Variants in CCDC3 observed in about 807,000 individuals in gnomAD.
CCDC3 encodes coiled-coil domain containing 3.
A neutral mutation model predicts 21.4 loss-of-function variants in CCDC3; 24 were observed. That is an observed-to-expected ratio of 1.12 (90% CI 0.81 to 1.58). The LOEUF (loss-of-function observed/expected upper bound fraction) is 1.58, where lower values mean the gene tolerates loss of function less well. Among genes scored for constraint, CCDC3 ranks in the 40% most tolerant of loss-of-function variants. The probability of loss-of-function intolerance (pLI) is 0.00; values close to 1 mark genes in which losing one functional copy is unlikely to be tolerated. For synonymous variants in CCDC3, 186 were observed against 166.0 expected (o/e 1.12, Z -0.93); for missense variants, 425 against 360.9 (o/e 1.18, Z -1.44).
intron 5 of CCDC3, among the ~76,000 whole-genome samples, chr10:13,007,558 C>T (rs1324883931): frequency 6.6e-6 from 1 of 152,018 alleles, no homozygotes; most frequent in African/African-American, 2.4e-5. Context: ...ATAGTGTGTA[C>T]CTGTCTCCCG....
intron 3 of CCDC3, among the ~76,000 whole-genome samples, chr10:13,095,115 A>T (rs1832614883): frequency 6.9e-6 from 1 of 143,984 alleles, no homozygotes; most frequent in Non-Finnish European, 1.5e-5. Flanking sequence ...AGAGGCATAG[A>T]CACGCACCTG....
chr10:12,950,974 C>T (rs1284402607), intron 2 of CCDC3, among the ~76,000 whole-genome samples: 2 of 152,142 alleles, frequency 1.3e-5, no homozygotes, highest in Non-Finnish European at 2.9e-5. Context: ...TGGCCTTCCT[C>T]GATAACACGA....
intron 5 of CCDC3, among the ~76,000 whole-genome samples, chr10:13,023,334 G>A (rs1836172492): frequency 6.6e-6 from 1 of 150,448 alleles, no homozygotes; most frequent in Admixed American, 6.7e-5. Flanking sequence ...TCTGGATGCT[G>A]GAATGACAAG....
intron 3 of CCDC3, among the ~76,000 whole-genome samples, chr10:13,083,835 G>C (rs1197305993): frequency 6.6e-6 from 1 of 152,204 alleles, no homozygotes. Context: ...CTGCGTAAGG[G>C]ATAAAAATTG....
intron 2 of CCDC3, among the ~76,000 whole-genome samples, chr10:12,960,168 AACAC>A (rs10626900): frequency 0.019 from 2,826 of 148,846 alleles, 49 homozygotes; most frequent in South Asian, 0.03. Flanking sequence ...ACACACACAC[AACAC>A]ACACACACAC....
At chr10:13,058,260 C>G in intron 4 of CCDC3, 1 of 1,383,636 alleles carries the variant, frequency 7.2e-7, no homozygotes, top group Non-Finnish European at 1.0e-6. Flanking sequence ...GTAAAGGCAC[C>G]TGGCTGACCA....
intron 2 of CCDC3, among the ~76,000 whole-genome samples, chr10:12,918,880 C>T (rs1475256126): frequency 6.6e-6 from 1 of 151,994 alleles, no homozygotes; most frequent in Non-Finnish European, 1.5e-5. Context: ...GGTGAAACCC[C>T]ATCTCTACTA....
At chr10:12,961,348 G>T (rs1004314) in intron 2 of CCDC3, among the ~76,000 whole-genome samples, 6,844 of 152,188 alleles carry the variant, frequency 0.045, 178 homozygotes, top group Middle Eastern at 0.099. Flanking sequence ...AATATGTCAG[G>T]AAGGAAAAAG....
chr10:12,967,462 T>C (rs1420387168), intron 2 of CCDC3, among the ~76,000 whole-genome samples: 1 of 152,022 alleles, frequency 6.6e-6, no homozygotes, highest in Non-Finnish European at 1.5e-5. Flanking sequence ...ACATTAGAAA[T>C]TTAATAGATA....
upstream of CCDC3, among the ~76,000 whole-genome samples, chr10:13,005,508 C>T (rs1835915680): frequency 6.6e-6 from 1 of 152,208 alleles, no homozygotes; most frequent in South Asian, 2.1e-4. Flanking sequence ...ATTACATAGT[C>T]ACCCAGCATA....
intron 2 of CCDC3, among the ~76,000 whole-genome samples, chr10:12,992,649 G>A (rs960501971): frequency 6.6e-6 from 1 of 152,108 alleles, no homozygotes. Context: ...TGGGGACTCG[G>A]TGGGAAGGGT....
At position 12,901,584 on chromosome 10, in the gene CCDC3, C is replaced by T. The variant is rs1834092363; in HGVS notation, c.550-2905G>A. On this transcript the variant is annotated intron_variant, in intron 2 of 2. Transcript: ENST00000378825. The stretch of plus-strand genomic sequence containing the variant: ...CACTGCACCTGGCCCACCTGCACCT[C>T]TTATTCCAAAGTCTACGTCTCAGGG... 2.0e-5 allele frequency among the ~76,000 whole-genome samples: 3 copies of T among 152,278 alleles called. No individual in the cohort carries two copies. The South Asian group carries it at 6.2e-4, about 32-fold the overall frequency.
At chr10:12,998,600 C>T in intron 1 of CCDC3, 88 bp from the exon 2 acceptor site, 3 of 1,256,422 alleles carry the variant, frequency 2.4e-6, no homozygotes, top group East Asian at 2.3e-5. Flanking sequence ...CTGCAACGGG[C>T]TTGCCAATTT....
In CCDC3 at chr10:13,038,157, G is replaced by A. The variant is rs189179924; in HGVS notation, c.-2+11517C>T. ...TCACTTATAAATAGAGCTGAATGAT[G>A]AGACCACATGGACACATGGCGGGGA... On this transcript the variant is annotated intron_variant, in intron 5 of 6. Coordinates refer to the CCDC3 transcript ENST00000378839. Among the ~76,000 whole-genome samples the A allele has an allele frequency of 2.3e-4, 35 of 152,250 alleles. 1 individual carries two copies. In the East Asian group the frequency reaches 5.0e-3, roughly 22 times the overall value.
intron 2 of CCDC3, among the ~76,000 whole-genome samples, chr10:12,905,786 T>C: frequency 6.6e-6 from 1 of 152,234 alleles, no homozygotes; most frequent in South Asian, 2.1e-4. Flanking sequence ...CAAGCCCCTG[T>C]GCCCTGCTTG....
chr10:13,029,929 C>A (rs950689851), intron 5 of CCDC3, among the ~76,000 whole-genome samples: 25 of 152,150 alleles, frequency 1.6e-4, no homozygotes, highest in Non-Finnish European at 2.8e-4. Flanking sequence ...AGGATATTAT[C>A]CAGGAGAACT....
chr10:12,987,944 A>C (rs1835622777), intron 2 of CCDC3, among the ~76,000 whole-genome samples: 1 of 152,110 alleles, frequency 6.6e-6, no homozygotes, highest in Admixed American at 6.5e-5. Flanking sequence ...GTGGTTTCCC[A>C]ACTGGTCTCC....
intron 2 of CCDC3, among the ~76,000 whole-genome samples, chr10:12,982,563 G>A (rs1835516223): frequency 2.0e-5 from 3 of 151,910 alleles, no homozygotes; most frequent in African/African-American, 7.3e-5. Flanking sequence ...GGAGGCCGAG[G>A]TGGGTGGATC....
chr10:12,967,036 C>G (rs1474808134), intron 2 of CCDC3, among the ~76,000 whole-genome samples: 1 of 152,184 alleles, frequency 6.6e-6, no homozygotes, highest in African/African-American at 2.4e-5. Flanking sequence ...CTTCCTCCAG[C>G]TTTCTAAGGA....
Sources: gnomAD v4.1 joint callset for allele counts (sites outside exome capture counted in the v4.1 genomes callset) on GRCh38, gnomAD v4.1.1 for gene constraint, MANE v1.5 for transcripts, NCBI Gene and HGNC (gene_info 2026-07-23, HGNC 2026-07-21) for gene names.